Variants in MRPS21 observed in about 807,000 individuals in gnomAD.
The protein encoded by MRPS21 is small ribosomal subunit protein bS21m.
A neutral mutation model predicts 9.9 loss-of-function variants in MRPS21; 8 were observed. The ratio of observed to expected loss-of-function variants is 0.81; its 90% CI spans 0.47 to 1.45. MRPS21 has a LOEUF of 1.45. Among genes scored for constraint, MRPS21 ranks in the 40% most tolerant of loss-of-function variants. The probability of loss-of-function intolerance (pLI) is 0.00; values close to 1 mark genes in which losing one functional copy is unlikely to be tolerated. For synonymous variants in MRPS21, 40 were observed against 40.3 expected (o/e 0.99, Z 0.03); for missense variants, 101 against 118.9 (o/e 0.85, Z 0.70).
intron 2 of MRPS21, chr1:150,301,436 T>A (rs1654126386): frequency 5.3e-6 from 1 of 189,818 alleles, no homozygotes; most frequent in Non-Finnish European, 1.1e-5. Flanking sequence ...AGGCGGAGGT[T>A]CCAGTGAGCC....
chr1:150,300,943 A>G (rs1553857553), intron 2 of MRPS21, among the ~76,000 whole-genome samples: 8 of 152,156 alleles, frequency 5.3e-5, no homozygotes, highest in Non-Finnish European at 2.9e-5. Context: ...CACCCCTGTA[A>G]GCTCAGCACT....
rs967329416 is a variant in MRPS21, at chr1:150,303,991, A to G, written c.84-4057A>G. On this transcript the variant is annotated intron_variant, in intron 2 of 2. Coordinates refer to ENST00000614145, the MANE Select transcript of MRPS21 (RefSeq NM_031901.6). ...AAGACACAACCCAATGAGGGGTTCA[A>G]TGTAATACTGTTTGATCAGTGCTAT... The G allele has an allele frequency of 7.8e-5, 35 of 449,784 alleles. 1 individual carries two copies. The highest frequency in any genetic ancestry group is 1.7e-4 in the South Asian group (11 of 64,182). The allele number at this position is 449,784 out of a possible 1,614,324, so 27.9% of individuals were successfully genotyped here. A position where few individuals can be genotyped will look rare whatever the true frequency, so the allele number is the denominator to read the frequency against.
rs112249650 is a variant in MRPS21 at position 150,306,064 on chromosome 1, A to T, written c.84-1984A>T. Among the ~76,000 whole-genome samples, 424 of 152,286 alleles carry T rather than the reference A, an allele frequency of 2.8e-3. 5 individuals carry two copies. The highest frequency in any genetic ancestry group is 9.4e-3 in the African/African-American group (391 of 41,562). On this transcript the variant is annotated intron_variant, in intron 2 of 2. Transcript: ENST00000614145. Reference sequence around the variant, plus strand: ...GTTCTGATGTGCAGATGATTCTGGGAACTTTAGTGGCTTAGGCCACTCTGT... The same window carrying T: ...GTTCTGATGTGCAGATGATTCTGGGTACTTTAGTGGCTTAGGCCACTCTGT...
chr1:150,305,957 T>C (rs1233722721), intron 2 of MRPS21, among the ~76,000 whole-genome samples: 2 of 152,200 alleles, frequency 1.3e-5, no homozygotes, highest in Non-Finnish European at 2.9e-5. Context: ...AAAAACCTGC[T>C]CATGTCCCTT....
At chr1:150,304,755 C>CAAAAA (rs143084308) in intron 2 of MRPS21, 72 of 129,526 alleles carry the variant, frequency 5.6e-4, no homozygotes, top group South Asian at 7.2e-4. Flanking sequence ...GACTCTGTCT[C>CAAAAA]AAAAAAAAAA....
At chr1:150,303,774 G>T in intron 2 of MRPS21, 5 of 380,912 alleles carry the variant, frequency 1.3e-5, no homozygotes, top group South Asian at 9.7e-5. Context: ...CGTAGTAAAG[G>T]TAATACTATT....
chr1:150,296,803 T>C (rs1035403087), intron 2 of MRPS21, among the ~76,000 whole-genome samples: 9 of 152,290 alleles, frequency 5.9e-5, no homozygotes, highest in African/African-American at 2.2e-4. Context: ...TGGTTCATTT[T>C]CCAATTTAGA....
chr1:150,301,894 G>A lies in MRPS21; in HGVS notation c.84-6154G>A, dbSNP rs367603474. ...ATTACAGGGGTGAGCCACCGTGCCC[G>A]GCCTCTTAGAATAATTTTCTAGGTA... On this transcript the variant is annotated intron_variant, in intron 2 of 2. Coordinates refer to ENST00000614145, the MANE Select transcript of MRPS21 (RefSeq NM_031901.6). 1.8e-4 allele frequency among the ~76,000 whole-genome samples: 28 copies of A among 152,198 alleles called. No individual in the cohort carries two copies. In the Middle Eastern group the frequency reaches 0.01, roughly 55 times the overall value.
intron 2 of MRPS21, among the ~76,000 whole-genome samples, chr1:150,305,410 T>A (rs1385564387): frequency 6.6e-6 from 1 of 152,124 alleles, no homozygotes; most frequent in African/African-American, 2.4e-5. Context: ...TGAACTAGTT[T>A]ACAGATGTGA....
rs1553856182 is a variant in MRPS21 at position 150,294,400 on chromosome 1, G to C, written c.34G>C (p.Val12Leu). The C allele has an allele frequency of 6.2e-7, 1 of 1,613,772 alleles. No individual in the cohort carries two copies. The highest frequency in any genetic ancestry group is 2.2e-5 in the East Asian group (1 of 44,880). Reference protein sequence around the residue: ...AKHLKFIARTVMVQEGNVESA... With the variant: ...AKHLKFIARTLMVQEGNVESA... ...ACATCTGAAGTTCATCGCCAGGACT[G>C]TGATGGTACAGGAAGGGAACGTGGA... Residue 12 changes from valine (V) to leucine (L), a missense_variant, in exon 2 of 3, where the codon GTG becomes CTG. Val to Leu is a conservative substitution (Grantham distance 32). Coordinates refer to ENST00000614145, the MANE Select transcript of MRPS21 (RefSeq NM_031901.6).
chr1:150,301,748 G>C (rs182558990), intron 2 of MRPS21, among the ~76,000 whole-genome samples: 1,598 of 151,868 alleles, frequency 0.011, 19 homozygotes, highest in Non-Finnish European at 0.011. Flanking sequence ...TGGGATTACA[G>C]GCACCTGCCA....
intron 2 of MRPS21, among the ~76,000 whole-genome samples, chr1:150,306,876 A>T (rs1553858590): frequency 6.6e-6 from 1 of 152,066 alleles, no homozygotes; most frequent in Non-Finnish European, 1.5e-5. Context: ...TCCCCAGTTG[A>T]GGTCTCTGAA....
At chr1:150,303,938 A>C (rs1387287598) in intron 2 of MRPS21, 1 of 455,850 alleles carries the variant, frequency 2.2e-6, no homozygotes, top group Non-Finnish European at 4.4e-6. Flanking sequence ...TGCAAAAGTG[A>C]ATACAGATTT....
intron 2 of MRPS21, among the ~76,000 whole-genome samples, chr1:150,300,968 C>T (rs1654095709): frequency 6.7e-6 from 1 of 150,308 alleles, no homozygotes; most frequent in East Asian, 2.0e-4. Context: ...GAGGCCGAGG[C>T]GGGTGGATCA....
chr1:150,308,020 T>C (rs782779714), intron 2 of MRPS21, 28 bp from the exon 3 acceptor site: 1 of 1,539,194 alleles, frequency 6.5e-7, no homozygotes, highest in Non-Finnish European at 8.9e-7. Context: ...ATCCCAAATG[T>C]CTAACCTCAT....
intron 2 of MRPS21, among the ~76,000 whole-genome samples, chr1:150,306,783 C>T (rs1232342263): frequency 5.3e-5 from 8 of 152,114 alleles, no homozygotes; most frequent in African/African-American, 1.9e-4. Context: ...GTGTGAGCCA[C>T]CAGCCTGACA....
chr1:150,294,253 C>T, intron 1 of MRPS21, 82 bp from the exon 2 acceptor site: 1 of 949,384 alleles, frequency 1.1e-6, no homozygotes, highest in Non-Finnish European at 1.7e-6. Context: ...ATTTCCAAAT[C>T]CTAAATAAGC....
At chr1:150,301,476 T>C in intron 2 of MRPS21, 1 of 172,694 alleles carries the variant, frequency 5.8e-6, no homozygotes. Flanking sequence ...CACTCCAGCC[T>C]GGGGGACGAG....
intron 2 of MRPS21, among the ~76,000 whole-genome samples, chr1:150,298,007 C>T (rs1553856885): frequency 1.3e-5 from 2 of 151,634 alleles, no homozygotes; most frequent in Non-Finnish European, 2.9e-5. Context: ...CATCTCGGCT[C>T]ACCGCAACCT....
Sources: gnomAD v4.1 joint callset for allele counts (sites outside exome capture counted in the v4.1 genomes callset) on GRCh38, gnomAD v4.1.1 for gene constraint, MANE v1.5 for transcripts, NCBI Gene and HGNC (gene_info 2026-07-23, HGNC 2026-07-21) for gene names.